The following PDE10A variants were observed in gnomAD, a reference collection of about 807,000 sequenced individuals.
PDE10A encodes phosphodiesterase 10A, also known as cAMP and cAMP-inhibited cGMP 3',5'-cyclic phosphodiesterase 10A.
A neutral mutation model predicts 97.7 loss-of-function variants in PDE10A; 39 were observed. The observed-to-expected ratio is 0.40, with a 90% CI of 0.31 to 0.52. The LOEUF is 0.52. Among genes scored for constraint, PDE10A ranks in the 20% least tolerant of loss-of-function variants. The pLI, the probability that PDE10A is intolerant of heterozygous loss-of-function variation, is 0.56. For missense variants in PDE10A, 731 were observed against 1,047.8 expected, an observed-to-expected ratio of 0.70 and a Z score of 4.17; for synonymous variants, 371 against 376.8, an observed-to-expected ratio of 0.98 and a Z score of 0.18.
chr6:165,795,133 G>C (rs2128464405), intron 1 of PDE10A, among the ~76,000 whole-genome samples: 2 of 152,300 alleles, frequency 1.3e-5, no homozygotes, highest in Middle Eastern at 6.8e-3. Context: ...TCAGGGACCT[G>C]AACTGACTTT....
intron 1 of PDE10A, among the ~76,000 whole-genome samples, chr6:165,890,991 A>G (rs2128482269): frequency 6.6e-6 from 1 of 152,282 alleles, no homozygotes; most frequent in African/African-American, 2.4e-5. Context: ...TTTTTCCCAC[A>G]ACCTTACAAC....
At chr6:165,769,198 G>C (rs1366744965) in intron 1 of PDE10A, among the ~76,000 whole-genome samples, 1 of 152,194 alleles carries the variant, frequency 6.6e-6, no homozygotes, top group African/African-American at 2.4e-5. Flanking sequence ...GCCACACAGA[G>C]CCATTGAGTA....
At chr6:165,740,767 C>A (rs1792701374) in intron 1 of PDE10A, among the ~76,000 whole-genome samples, 1 of 152,128 alleles carries the variant, frequency 6.6e-6, no homozygotes, top group Admixed American at 6.5e-5. Context: ...ACCTCACTTA[C>A]ACGTAGAATC....
chr6:165,923,117 T>C (rs1026700700), intron 1 of PDE10A, among the ~76,000 whole-genome samples: 6 of 152,190 alleles, frequency 3.9e-5, no homozygotes, highest in African/African-American at 1.4e-4. Flanking sequence ...CTTGGTGAGA[T>C]GGGAGCAGAG....
In PDE10A at chr6:165,625,736, G is replaced by A. The variant is rs189871173; in HGVS notation, c.865+36211C>T. On this transcript the variant is annotated intron_variant, in intron 1 of 21. Transcript: ENST00000539869. ...ATTCTCTCTTGCTGCCATGTAAGAA[G>A]TGCCTTTCACCTTCTGCCATGATTG... Among the ~76,000 whole-genome samples the A allele has an allele frequency of 2.8e-3, 427 of 152,274 alleles. 2 individuals are homozygous for A. The highest frequency in any genetic ancestry group is 0.02 in the East Asian group (102 of 5,178).
chr6:165,516,983 G>A (rs1781849424), intron 2 of PDE10A, among the ~76,000 whole-genome samples: 1 of 151,936 alleles, frequency 6.6e-6, no homozygotes, highest in East Asian at 1.9e-4. Flanking sequence ...GTGCTAAAAA[G>A]TACAACCTTA....
At chr6:165,669,658 T>C (rs182563773) in intron 1 of PDE10A, among the ~76,000 whole-genome samples, 6 of 152,328 alleles carry the variant, frequency 3.9e-5, no homozygotes, top group Admixed American at 3.9e-4. Context: ...ACTGGTGGCA[T>C]GAAAGCTTAC....
At chr6:165,646,465 A>T (rs1421612727) in intron 1 of PDE10A, among the ~76,000 whole-genome samples, 1 of 152,250 alleles carries the variant, frequency 6.6e-6, no homozygotes, top group Non-Finnish European at 1.5e-5. Context: ...CATTTTACAG[A>T]TGAGAAAATT....
intron 1 of PDE10A, among the ~76,000 whole-genome samples, chr6:165,932,628 A>T (rs2128490955): frequency 6.6e-6 from 1 of 152,096 alleles, no homozygotes; most frequent in Admixed American, 6.5e-5. Context: ...GAGCCACCGC[A>T]CCCAGCCTAA....
intron 2 of PDE10A, among the ~76,000 whole-genome samples, chr6:165,522,443 T>C (rs1782184089): frequency 6.6e-6 from 1 of 152,158 alleles, no homozygotes; most frequent in African/African-American, 2.4e-5. Flanking sequence ...ATCACAAAGT[T>C]AATTCGCCAC....
At chr6:165,440,995 T>G (rs1001776407) in intron 5 of PDE10A, among the ~76,000 whole-genome samples, 2 of 152,132 alleles carry the variant, frequency 1.3e-5, no homozygotes, top group Non-Finnish European at 2.9e-5. Context: ...AAGCAAAAAT[T>G]CAGTCATGAA....
At chr6:165,777,787 T>A (rs1360809384) in intron 1 of PDE10A, among the ~76,000 whole-genome samples, 2 of 152,118 alleles carry the variant, frequency 1.3e-5, no homozygotes, top group Non-Finnish European at 2.9e-5. Flanking sequence ...TCATAATGGA[T>A]CACTCGTGAG....
chr6:165,585,680 A>G (rs1423699620), intron 1 of PDE10A, among the ~76,000 whole-genome samples: 1 of 152,180 alleles, frequency 6.6e-6, no homozygotes, highest in South Asian at 2.1e-4. Flanking sequence ...CCCTGATTCC[A>G]GACTTCTCTT....
At chr6:165,873,502 T>C (rs535375712) in intron 1 of PDE10A, among the ~76,000 whole-genome samples, 1 of 151,506 alleles carries the variant, frequency 6.6e-6, no homozygotes, top group East Asian at 1.9e-4. Flanking sequence ...GAAAGGCAAC[T>C]GTTTACTTTA....
chr6:165,585,897 C>T (rs982012389), intron 1 of PDE10A, among the ~76,000 whole-genome samples: 3 of 152,166 alleles, frequency 2.0e-5, no homozygotes, highest in Admixed American at 6.5e-5. Context: ...CAACATCCCC[C>T]CCTTGCGCTA....
chr6:165,401,778 T>G (rs975315935), intron 13 of PDE10A, among the ~76,000 whole-genome samples: 1 of 152,190 alleles, frequency 6.6e-6, no homozygotes, highest in Non-Finnish European at 1.5e-5. Context: ...GTGCATGAAC[T>G]TTCTGAAAGC....
intron 1 of PDE10A, among the ~76,000 whole-genome samples, chr6:165,800,660 T>C (rs1283607048): frequency 2.0e-5 from 3 of 152,184 alleles, no homozygotes; most frequent in African/African-American, 7.2e-5. Flanking sequence ...ACATGGTGTC[T>C]AGCATAACAT....
At chr6:165,651,785 T>C (rs1789699330) in intron 1 of PDE10A, among the ~76,000 whole-genome samples, 1 of 152,242 alleles carries the variant, frequency 6.6e-6, no homozygotes, top group Non-Finnish European at 1.5e-5. Context: ...TATACCTATA[T>C]ATGTACATAT....
Position 165,566,949 on chromosome 6 carries a change from C to A in PDE10A, c.866-23381G>T, listed in dbSNP as rs1784806278. Among the ~76,000 whole-genome samples, 3 of 152,256 alleles carry A rather than the reference C, an allele frequency of 2.0e-5. No individual in the cohort carries two copies. In the South Asian group the frequency reaches 6.2e-4, roughly 32 times the overall value. On this transcript the variant is annotated intron_variant, in intron 1 of 21. Transcript: ENST00000539869. ...CATATTCTATGACCCAGAAATTACACCCTTAAAAGTGCATACTTAAGTCCA... is the reference window on the plus strand; with the variant it reads ...CATATTCTATGACCCAGAAATTACAACCTTAAAAGTGCATACTTAAGTCCA...
Sources: allele counts gnomAD v4.1 joint callset (sites outside exome capture counted in the v4.1 genomes callset), GRCh38; gene constraint gnomAD v4.1.1; transcripts MANE v1.5; gene names NCBI Gene and HGNC (gene_info 2026-07-23, HGNC 2026-07-21).